Variants in IGSF11 observed in about 807,000 individuals in gnomAD.
The protein encoded by IGSF11 is CXADR like 1.
Under a neutral mutation model 41.0 loss-of-function variants are expected in IGSF11, and 22 were observed. The observed-to-expected ratio is 0.54, with a 90% CI of 0.38 to 0.77. The LOEUF (loss-of-function observed/expected upper bound fraction) is 0.77. Among genes scored for constraint, IGSF11 ranks in the 30% least tolerant of loss-of-function variants. IGSF11 has a pLI of 0.00. For synonymous variants in IGSF11, 219 were observed against 201.3 expected (o/e 1.09, Z -0.74); for missense variants, 444 against 530.8 (o/e 0.84, Z 1.61).
chr3:119,098,656 C>T (rs987892884), intron 1 of IGSF11, among the ~76,000 whole-genome samples: 8 of 152,162 alleles, frequency 5.3e-5, no homozygotes, highest in Non-Finnish European at 1.2e-4. Flanking sequence ...GCCTTTACTA[C>T]GGATTAGTTT....
chr3:118,937,802 T>C (rs967288307), intron 1 of IGSF11, among the ~76,000 whole-genome samples: 1 of 152,190 alleles, frequency 6.6e-6, no homozygotes, highest in Non-Finnish European at 1.5e-5. Context: ...TAACATGTAA[T>C]AGTCTGGCTG....
chr3:119,143,148 T>TA (rs985151983), intron 1 of IGSF11, among the ~76,000 whole-genome samples: 14 of 152,234 alleles, frequency 9.2e-5, no homozygotes, highest in African/African-American at 2.9e-4. Context: ...TATGAAGAAA[T>TA]AAAAAAATAC....
chr3:119,071,185 A>G (rs1390074110), intron 1 of IGSF11, among the ~76,000 whole-genome samples: 1 of 152,214 alleles, frequency 6.6e-6, no homozygotes, highest in Non-Finnish European at 1.5e-5. Context: ...GTCCTGCAAG[A>G]CCAGGAAGAG....
intron 1 of IGSF11, among the ~76,000 whole-genome samples, chr3:118,962,550 G>A (rs886210504): frequency 6.6e-6 from 1 of 152,112 alleles, no homozygotes; most frequent in African/African-American, 2.4e-5. Context: ...AGTATTTGGG[G>A]GAAAATGACT....
At chr3:118,965,955 C>T (rs978302657) in intron 1 of IGSF11, among the ~76,000 whole-genome samples, 1 of 149,610 alleles carries the variant, frequency 6.7e-6, no homozygotes, top group Non-Finnish European at 1.5e-5. Context: ...TCATAGCGTT[C>T]AGAAAAGACC....
intron 4 of IGSF11, among the ~76,000 whole-genome samples, chr3:118,920,399 C>T (rs1941657084): frequency 6.6e-6 from 1 of 151,056 alleles, no homozygotes; most frequent in East Asian, 1.9e-4. Flanking sequence ...GACATTGAAC[C>T]ATACCCATAA....
intron 1 of IGSF11, among the ~76,000 whole-genome samples, chr3:118,992,376 T>C (rs975445116): frequency 5.3e-5 from 8 of 152,258 alleles, no homozygotes; most frequent in South Asian, 2.1e-4. Flanking sequence ...AAGTTTAAAC[T>C]GTAGTCCAAG....
intron 1 of IGSF11, among the ~76,000 whole-genome samples, chr3:119,110,365 G>C (rs527343620): frequency 6.6e-6 from 1 of 152,002 alleles, no homozygotes; most frequent in South Asian, 2.1e-4. Context: ...TGTCTCTTTT[G>C]ATCTTTGTTG....
intron 1 of IGSF11, among the ~76,000 whole-genome samples, chr3:119,087,786 T>G (rs77335181): frequency 6.6e-6 from 1 of 151,786 alleles, no homozygotes; most frequent in Non-Finnish European, 1.5e-5. Flanking sequence ...AAAATTAAAA[T>G]TTTTTTTAAT....
chr3:119,048,393 T>C (rs896688202), intron 1 of IGSF11, among the ~76,000 whole-genome samples: 1 of 151,818 alleles, frequency 6.6e-6, no homozygotes, highest in Non-Finnish European at 1.5e-5. Context: ...AACTAGAAAA[T>C]CTAGAAGAAA....
At chr3:119,134,808 T>C (rs1576838620) in intron 1 of IGSF11, among the ~76,000 whole-genome samples, 1 of 152,084 alleles carries the variant, frequency 6.6e-6, no homozygotes, top group East Asian at 1.9e-4. Flanking sequence ...CTTCAAACTA[T>C]ACTACAAGGC....
chr3:119,069,715 GA>G (rs72408580), intron 1 of IGSF11, among the ~76,000 whole-genome samples: 5,780 of 146,978 alleles, frequency 0.039, 339 homozygotes, highest in African/African-American at 0.13. Flanking sequence ...AGCAAAAAGG[GA>G]AAAAAAAAAA....
intron 1 of IGSF11, among the ~76,000 whole-genome samples, chr3:119,118,807 A>G (rs868641498): frequency 2.6e-5 from 4 of 152,208 alleles, no homozygotes; most frequent in Non-Finnish European, 4.4e-5. Context: ...TGCTGCTTAG[A>G]AACTTCTTCT....
chr3:119,067,659 A>G lies in IGSF11; in HGVS notation c.49+37485T>C, dbSNP rs538463118. Among the ~76,000 whole-genome samples, 37 of 152,242 alleles carry G rather than the reference A, an allele frequency of 2.4e-4. 2 individuals carry two copies. The South Asian group carries it at 7.0e-3, about 29-fold the overall frequency. Reference sequence around the variant, plus strand: ...TAGATTTTTTTTTAGACATGCATCTAAAGTGCTTCAAGTTTCCTCTTTTCC... The same window carrying G: ...TAGATTTTTTTTTAGACATGCATCTGAAGTGCTTCAAGTTTCCTCTTTTCC... On this transcript the variant is annotated intron_variant, in intron 1 of 6. Transcript: ENST00000354673.
At chr3:119,023,826 G>A (rs1340164991) in intron 1 of IGSF11, among the ~76,000 whole-genome samples, 2 of 152,162 alleles carry the variant, frequency 1.3e-5, no homozygotes, top group East Asian at 3.8e-4. Context: ...AAAAGGAAGT[G>A]CTGAAGACTG....
At chr3:119,134,261 G>A (rs917611007) in intron 1 of IGSF11, among the ~76,000 whole-genome samples, 1 of 143,398 alleles carries the variant, frequency 7.0e-6, no homozygotes, top group African/African-American at 2.5e-5. Flanking sequence ...ATTAGGAAAA[G>A]AGGAAGTCAA....
intron 4 of IGSF11, among the ~76,000 whole-genome samples, chr3:118,916,098 T>C (rs1486303854): frequency 3.3e-5 from 5 of 149,660 alleles, no homozygotes; most frequent in South Asian, 2.2e-4. Context: ...AAAGAGCTCC[T>C]GAAGGAAGCG....
At chr3:118,969,839 G>C (rs1050275182) in intron 1 of IGSF11, among the ~76,000 whole-genome samples, 1 of 152,154 alleles carries the variant, frequency 6.6e-6, no homozygotes, top group Non-Finnish European at 1.5e-5. Context: ...GAGGTCATCA[G>C]CATTTATCCA....
At chr3:119,129,504 TAAATAG>T (rs1224851780) in intron 1 of IGSF11, among the ~76,000 whole-genome samples, 1 of 152,076 alleles carries the variant, frequency 6.6e-6, no homozygotes, top group Non-Finnish European at 1.5e-5. Flanking sequence ...CTATAAGATA[TAAATAG>T]AAACAACAAA....
Sources: gnomAD v4.1 joint callset for allele counts (sites outside exome capture counted in the v4.1 genomes callset) on GRCh38, gnomAD v4.1.1 for gene constraint, MANE v1.5 for transcripts, NCBI Gene and HGNC (gene_info 2026-07-23, HGNC 2026-07-21) for gene names.